ZNF584: variants seen among roughly 807,000 people sequenced by gnomAD.
ZNF584 encodes zinc finger protein 584.
ZNF584 carries 12 observed loss-of-function variants against 14.7 expected under a neutral mutation model. That is an observed-to-expected ratio of 0.82 (90% CI 0.52 to 1.32). ZNF584 has a LOEUF of 1.32. Among genes scored for constraint, ZNF584 ranks in the 40% most tolerant of loss-of-function variants. The pLI, the probability that ZNF584 is intolerant of heterozygous loss-of-function variation, is 0.00. For missense variants in ZNF584, 478 were observed against 518.8 expected (o/e 0.92, Z 0.76); for synonymous variants, 204 against 190.9 (o/e 1.07, Z -0.57).
At position 58,417,846 on chromosome 19, in the gene ZNF584, G is replaced by GTGCCAT; in HGVS notation, c.*63_*68dup. On this transcript the variant is annotated 3_prime_UTR_variant, in exon 4 of 4. Transcript: ENST00000306910. Reference sequence around the variant, plus strand: ...GAGGTTAAGGAGAGTGGCCGTGAGAGTGCCATCCGAAAGAAGCTAAACCTT... The same window carrying GTGCCAT: ...GAGGTTAAGGAGAGTGGCCGTGAGAGTGCCATTGCCATCCGAAAGAAGCTAAACCTT... 1 of 1,531,008 alleles carries GTGCCAT rather than the reference G, an allele frequency of 6.5e-7. No homozygotes were observed. The highest frequency in any genetic ancestry group is 8.8e-7 in the Non-Finnish European group (1 of 1,140,536). The allele number at this position is 1,531,008 out of a possible 1,614,324, so 94.8% of individuals were successfully genotyped here.
rs1377425714 is a variant in ZNF584, at chr19:58,408,794, C to CT, written c.-353dup. 4.2e-6 allele frequency: 1 copy of CT among 239,786 alleles called. No homozygotes were observed. The highest frequency in any genetic ancestry group is 2.2e-5 in the African/African-American group (1 of 44,592). 14.9% of individuals were successfully genotyped at this position (239,786 alleles called of 1,614,324 possible). A position where few individuals can be genotyped will look rare whatever the true frequency, so the allele number is the denominator to read the frequency against. ...CAGTCCGCAGTCCTCGGCGGGAAGG[C>CT]TGTCCCGGCGCCTCAGGCAGCTCTG... On this transcript the variant is annotated 5_prime_UTR_variant, in exon 1 of 4. Coordinates refer to ENST00000306910, the MANE Select transcript of ZNF584 (RefSeq NM_173548.3).
intron 2 of ZNF584, among the ~76,000 whole-genome samples, chr19:58,412,223 G>C (rs2052584934): frequency 1.7e-5 from 1 of 58,762 alleles, no homozygotes; most frequent in Non-Finnish European, 2.9e-5. Flanking sequence ...TTTTTTTTGA[G>C]ACGGAGTCTC....
At chr19:58,410,573 G>GTATATATATGTATATATATGTGTA (rs2052542984) in intron 2 of ZNF584, among the ~76,000 whole-genome samples, 2 of 6,434 alleles carry the variant, frequency 3.1e-4, no homozygotes, top group Non-Finnish European at 6.8e-4. Flanking sequence ...ATATATATAT[G>GTATATATATGTATATATATGTGTA]TATATATATG....
intron 1 of ZNF584, among the ~76,000 whole-genome samples, chr19:58,402,638 C>T (rs1008616404): frequency 1.3e-5 from 2 of 151,996 alleles, no homozygotes; most frequent in African/African-American, 4.8e-5. Flanking sequence ...GCCTGACCAA[C>T]ATGGAGAAAC....
rs1156543028 is a variant in ZNF584 at position 58,410,518 on chromosome 19, AATATATATATATATATATATAT to A, written c.169+446_169+467del. Among the ~76,000 whole-genome samples the A allele has an allele frequency of 1.2e-4, 9 of 77,190 alleles. 2 individuals carry two copies. The highest frequency in any genetic ancestry group is 1.0e-3 in the East Asian group (2 of 1,960). 50.6% of individuals were successfully genotyped at this position (77,190 alleles called of 152,430 possible). On this transcript the variant is annotated intron_variant, in intron 2 of 3. Coordinates refer to ENST00000306910, the MANE Select transcript of ZNF584 (RefSeq NM_173548.3). ...GAATTTTAATCAGAACGGTTTGGGA[AATATATATATATATATATATAT>A]ATATATATATATATATATGTGTATA...
At chr19:58,406,714 A>G (rs977006361), upstream of ZNF584, 2 of 152,318 alleles carry the variant, frequency 1.3e-5, no homozygotes, top group African/African-American at 4.8e-5. Flanking sequence ...TGGTCCATCA[A>G]TCAGTGCTCT....
Position 58,413,306 on chromosome 19 carries a change from A to C in ZNF584, c.170-2218A>C, listed in dbSNP as rs975161825. On this transcript the variant is annotated intron_variant, in intron 2 of 3. Transcript: ENST00000306910. ...AAGCTCTGCATTTTCTGCATCCCATAATTTTTTGTTTGTTGTGGTATTTTT... is the reference window on the plus strand; with the variant it reads ...AAGCTCTGCATTTTCTGCATCCCATCATTTTTTGTTTGTTGTGGTATTTTT... 2.7e-5 allele frequency among the ~76,000 whole-genome samples: 4 copies of C among 150,678 alleles called. No individual in the cohort carries two copies. The East Asian group carries it at 7.8e-4, about 30-fold the overall frequency.
intron 1 of ZNF584, chr19:58,401,701 T>A (rs1324974027): frequency 2.0e-5 from 3 of 148,082 alleles, no homozygotes; most frequent in East Asian, 4.2e-4. Context: ...TCGAGCGCCC[T>A]CACGCGTTTT....
intron 1 of ZNF584, 27 bp from the exon 2 acceptor site, chr19:58,409,914 T>G: frequency 6.2e-7 from 1 of 1,614,026 alleles, no homozygotes; most frequent in Non-Finnish European, 8.5e-7. Context: ...TTTTGGTTGT[T>G]TTTTTCTGCC....
chr19:58,405,930 T>G (rs1032237060), upstream of ZNF584: 22 of 179,900 alleles, frequency 1.2e-4, no homozygotes, highest in Admixed American at 3.8e-4. Flanking sequence ...CGCTCCTCAC[T>G]TCCCAGACGG....
Position 58,409,022 on chromosome 19 carries a change from G to C in ZNF584, c.-126G>C. The C allele has an allele frequency of 1.6e-6, 2 of 1,249,228 alleles. No homozygotes were observed. The highest frequency in any genetic ancestry group is 2.1e-6 in the Non-Finnish European group (2 of 936,884). 77.4% of individuals were successfully genotyped at this position (1,249,228 alleles called of 1,614,324 possible). The stretch of plus-strand genomic sequence containing the variant: ...TCCGGGAAGCGGTTCCCTGTCTTCG[G>C]ACGCATTTCACCCGCGCGGGGAGAG... On this transcript the variant is annotated 5_prime_UTR_variant, in exon 1 of 4. Coordinates refer to ENST00000306910, the MANE Select transcript of ZNF584 (RefSeq NM_173548.3).
rs2122246249 is a variant in ZNF584, at chr19:58,416,796, C to A, written c.293-15C>A. On this transcript the variant is annotated splice_polypyrimidine_tract_variant and intron_variant, in intron 3 of 3. Coordinates refer to ENST00000306910, the MANE Select transcript of ZNF584 (RefSeq NM_173548.3). ...TCTAGTTCAACTCTTAGTAATGATTCATCTCTGCTTTCAGATGGTTTGTGT... is the reference window on the plus strand; with the variant it reads ...TCTAGTTCAACTCTTAGTAATGATTAATCTCTGCTTTCAGATGGTTTGTGT... The A allele has an allele frequency of 6.5e-7, 1 of 1,526,858 alleles. No homozygotes were observed. The highest frequency in any genetic ancestry group is 8.8e-7 in the Non-Finnish European group (1 of 1,138,942). The allele number at this position is 1,526,858 out of a possible 1,614,324, so 94.6% of individuals were successfully genotyped here.
At position 58,417,872 on chromosome 19, in the gene ZNF584, G is replaced by C. The variant is rs565106473; in HGVS notation, c.*88G>C. ...TGCCATCCGAAAGAAGCTAAACCTT[G>C]CACATCCCAACACCCACCCCAGGGA... On this transcript the variant is annotated 3_prime_UTR_variant, in exon 4 of 4. Transcript: ENST00000306910. 1 of 1,487,156 alleles carries C rather than the reference G, an allele frequency of 6.7e-7. No individual in the cohort carries two copies. Among genetic ancestry groups the C allele is most frequent in the East Asian group, 2.3e-5 (1 of 44,112 alleles). The allele number at this position is 1,487,156 out of a possible 1,614,324, so 92.1% of individuals were successfully genotyped here.
intron 2 of ZNF584, among the ~76,000 whole-genome samples, chr19:58,410,539 A>ATATATATATATGTGTG (rs2052535618): frequency 2.6e-5 from 1 of 38,706 alleles, no homozygotes; most frequent in African/African-American, 1.3e-4. Flanking sequence ...ATATATATAT[A>ATATATATATATGTGTG]TATATATATA....
chr19:58,413,368 T>C (rs1188221994), intron 2 of ZNF584, among the ~76,000 whole-genome samples: 5 of 152,084 alleles, frequency 3.3e-5, no homozygotes, highest in African/African-American at 1.2e-4. Context: ...TTTTTCTTTT[T>C]GAGATGGAGT....
intron 3 of ZNF584, 173 bp downstream of exon 3, chr19:58,415,819 G>C (rs368222432): frequency 1.9e-6 from 3 of 1,603,692 alleles, no homozygotes; most frequent in South Asian, 2.2e-5. Flanking sequence ...TGATTTTCAG[G>C]CCCCGCATGT....
At chr19:58,407,167 A>G (rs1397352436), upstream of ZNF584, 1 of 152,188 alleles carries the variant, frequency 6.6e-6, no homozygotes, top group Admixed American at 6.5e-5. Context: ...TGCCACAACT[A>G]GTTTTGAGTT....
intron 2 of ZNF584, among the ~76,000 whole-genome samples, chr19:58,412,012 T>A (rs1880758461): frequency 7.0e-6 from 1 of 143,870 alleles, no homozygotes; most frequent in Non-Finnish European, 1.5e-5. Context: ...GACAGAGTCT[T>A]ACTCTGTCGC....
chr19:58,401,885 CAAAA>C lies in ZNF584; in HGVS notation n.92+239_92+242del, dbSNP rs781429177. Among the ~76,000 whole-genome samples, 4 of 67,034 alleles carry C rather than the reference CAAAA, an allele frequency of 6.0e-5. 1 individual carries two copies. The highest frequency in any genetic ancestry group is 2.7e-4 in the African/African-American group (4 of 14,646). The allele number at this position is 67,034 out of a possible 152,430, so 44.0% of individuals were successfully genotyped here. A position where few individuals can be genotyped will look rare whatever the true frequency, so the allele number is the denominator to read the frequency against. ...GGATCCTATATAAAGTGAGACTCCT[CAAAA>C]AAAAAAAAAAAAAAAGATTTTTTTT... On this transcript the variant is annotated intron_variant and non_coding_transcript_variant, in intron 1 of 3. Transcript: ENST00000594993.
Sources: gnomAD v4.1 joint callset for allele counts (sites outside exome capture counted in the v4.1 genomes callset) on GRCh38, gnomAD v4.1.1 for gene constraint, MANE v1.5 for transcripts, NCBI Gene and HGNC (gene_info 2026-07-23, HGNC 2026-07-21) for gene names.